TRABD2B: variants seen among roughly 807,000 people sequenced by gnomAD.
The protein encoded by TRABD2B is metalloprotease TIKI2.
Under a neutral mutation model 40.1 loss-of-function variants are expected in TRABD2B, and 14 were observed. The ratio of observed to expected loss-of-function variants is 0.35; its 90% confidence interval spans 0.23 to 0.55. The LOEUF (loss-of-function observed/expected upper bound fraction) is 0.55, where lower values mean the gene tolerates loss of function less well. Among genes scored for constraint, TRABD2B ranks in the 20% least tolerant of loss-of-function variants. The pLI is 0.90. For missense variants in TRABD2B, 541 were observed against 648.6 expected (o/e 0.83, Z 1.80); for synonymous variants, 263 against 277.0 (o/e 0.95, Z 0.50).
At chr1:47,823,885 A>C (rs1042127701) in intron 2 of TRABD2B, among the ~76,000 whole-genome samples, 20 of 152,306 alleles carry the variant, frequency 1.3e-4, no homozygotes, top group Middle Eastern at 3.4e-3. Context: ...GGGCTCCAGG[A>C]ATCACTACCA....
chr1:47,996,922 G>A lies in TRABD2B; in HGVS notation c.-133C>T. 8.9e-7 allele frequency: 1 copy of A among 1,123,392 alleles called. No homozygotes were observed. The highest frequency in any genetic ancestry group is 1.1e-6 in the Non-Finnish European group (1 of 919,474). 69.6% of individuals were successfully genotyped at this position (1,123,392 alleles called of 1,614,324 possible). ...CCGCAGGATGCTGGGCGCCCTCTGG[G>A]GCGTGGCTGACTGTCCCTGTCGGAC... On this transcript the variant is annotated 5_prime_UTR_variant, in exon 1 of 7. Transcript: ENST00000606738. This position sits in a 1 kb window ranked among gnomAD's most constrained non-coding sequence, Gnocchi z 4.6.
intron 4 of TRABD2B, among the ~76,000 whole-genome samples, chr1:47,786,537 A>G (rs563868416): frequency 6.6e-6 from 1 of 152,322 alleles, no homozygotes; most frequent in East Asian, 1.9e-4. Context: ...CCTTCACAGG[A>G]ATGCCAGTTG....
At chr1:47,772,364 G>C (rs1238661874) in intron 6 of TRABD2B, among the ~76,000 whole-genome samples, 1 of 151,746 alleles carries the variant, frequency 6.6e-6, no homozygotes, top group Non-Finnish European at 1.5e-5. Flanking sequence ...GTGGGACGGG[G>C]CACCTCGGGT....
At position 47,824,479 on chromosome 1, in the gene TRABD2B, G is replaced by A. The variant is rs775234736; in HGVS notation, c.667-22860C>T. ...GTCCAACAAACCTGTGGGTGGATGG[G>A]GTTAACACACCCACTTCACAGATGA... On this transcript the variant is annotated intron_variant, in intron 2 of 6. Coordinates refer to ENST00000606738, the MANE Select transcript of TRABD2B (RefSeq NM_001194986.2). Among the ~76,000 whole-genome samples, 114 of 152,294 alleles carry A rather than the reference G, an allele frequency of 7.5e-4. 1 individual carries two copies. The highest frequency in any genetic ancestry group is 1.4e-3 in the Non-Finnish European group (92 of 68,028).
chr1:47,914,342 T>C (rs1014344326), intron 2 of TRABD2B, among the ~76,000 whole-genome samples: 1 of 152,178 alleles, frequency 6.6e-6, no homozygotes, highest in Non-Finnish European at 1.5e-5. Context: ...CAAGCACAAG[T>C]GTTTTTCTTA....
chr1:47,912,211 T>C (rs146846057), intron 2 of TRABD2B, among the ~76,000 whole-genome samples: 1 of 152,330 alleles, frequency 6.6e-6, no homozygotes, highest in African/African-American at 2.4e-5. Flanking sequence ...TGCCACAAGA[T>C]ATAAACTAAT....
chr1:47,892,283 A>G (rs780193142), intron 2 of TRABD2B, among the ~76,000 whole-genome samples: 1 of 152,226 alleles, frequency 6.6e-6, no homozygotes, highest in Non-Finnish European at 1.5e-5. Context: ...GGATGACTCT[A>G]AGACTTTTGG....
chr1:47,984,653 T>C (rs1645894654), intron 2 of TRABD2B, among the ~76,000 whole-genome samples: 3 of 152,172 alleles, frequency 2.0e-5, no homozygotes, highest in Non-Finnish European at 4.4e-5. Flanking sequence ...TCCTCTAGCG[T>C]AGGTGCCTCC....
At position 47,766,089 on chromosome 1, in the gene TRABD2B, G is replaced by A. The variant is rs1218425268; in HGVS notation, c.1367C>T (p.Pro456Leu). 1 of 701,436 alleles carries A rather than the reference G, an allele frequency of 1.4e-6. No individual in the cohort carries two copies. The highest frequency in any genetic ancestry group is 2.6e-6 in the Non-Finnish European group (1 of 384,300). 43.5% of individuals were successfully genotyped at this position (701,436 alleles called of 1,614,324 possible). The stretch of plus-strand genomic sequence containing the variant: ...GTGGGTGGGCTGCAGGGGCAGCGGG[G>A]GTGGTGAGGCGGTGGTGCTGGAAAG... ...RIEDSTTASP[P>L]PLPLQPTHSS... The change falls in exon 7 of 7, where the codon CCC becomes CTC. Residue 456 changes from proline (P) to leucine (L), a missense_variant. Pro to Leu is a moderately conservative substitution (Grantham distance 98, BLOSUM62 -3). Around this residue, in one of 2 missense-constraint regions of TRABD2B, gnomAD observed 172 missense variants for 155.8 expected, o/e 1.10. Coordinates refer to ENST00000606738, the MANE Select transcript of TRABD2B (RefSeq NM_001194986.2).
intron 2 of TRABD2B, among the ~76,000 whole-genome samples, chr1:47,856,776 T>C (rs932281784): frequency 6.6e-6 from 1 of 152,242 alleles, no homozygotes; most frequent in Non-Finnish European, 1.5e-5. Context: ...CCACAAACTC[T>C]TTTTATCCCA....
intron 4 of TRABD2B, among the ~76,000 whole-genome samples, chr1:47,793,213 G>A (rs868098151): frequency 1.3e-5 from 2 of 152,172 alleles, no homozygotes; most frequent in Admixed American, 1.3e-4. Context: ...CTGTTCAGAT[G>A]GGTAAACTGA....
At chr1:47,943,566 A>G (rs968905620) in intron 2 of TRABD2B, among the ~76,000 whole-genome samples, 2 of 152,208 alleles carry the variant, frequency 1.3e-5, no homozygotes, top group Non-Finnish European at 2.9e-5. Context: ...GGACAGGGTC[A>G]TATATTCAGC....
chr1:47,925,475 T>C (rs576923351), intron 2 of TRABD2B, among the ~76,000 whole-genome samples: 1 of 152,340 alleles, frequency 6.6e-6, no homozygotes, highest in Admixed American at 6.5e-5. Context: ...TGCAGTGTAA[T>C]AGCAACAGCA....
At chr1:47,891,855 GAAAA>G (rs555176972) in intron 2 of TRABD2B, among the ~76,000 whole-genome samples, 13 of 147,318 alleles carry the variant, frequency 8.8e-5, no homozygotes, top group African/African-American at 3.2e-4. Flanking sequence ...AAAAATGAAA[GAAAA>G]AAAAAAGAAA....
chr1:47,816,044 C>CA (rs1645028146), intron 2 of TRABD2B, among the ~76,000 whole-genome samples: 1 of 152,180 alleles, frequency 6.6e-6, no homozygotes, highest in Non-Finnish European at 1.5e-5. Flanking sequence ...CCCCATCAAT[C>CA]ATTCTCCATG....
chr1:47,775,903 G>A (rs1644440177), intron 5 of TRABD2B, among the ~76,000 whole-genome samples: 1 of 152,130 alleles, frequency 6.6e-6, no homozygotes, highest in East Asian at 1.9e-4. Flanking sequence ...GCCCAGGCTA[G>A]GAAGACGTGA....
Position 47,996,258 on chromosome 1 carries a change from G to T in TRABD2B, c.102+430C>A, listed in dbSNP as rs1015086332. Among the ~76,000 whole-genome samples, 8 of 152,100 alleles carry T rather than the reference G, an allele frequency of 5.3e-5. No homozygotes were observed. The highest frequency in any genetic ancestry group is 1.2e-4 in the Non-Finnish European group (8 of 68,014). ...GGGAGAGAGAGGGAAGCCTGGGAGG[G>T]GGCAGAGTGTGTGAATGGGAGAGCA... On this transcript the variant is annotated intron_variant, in intron 1 of 6. Transcript: ENST00000606738. The surrounding 1 kb of genome is among the most constrained non-coding windows in gnomAD (Gnocchi z 4.6).
intron 2 of TRABD2B, among the ~76,000 whole-genome samples, chr1:47,806,508 T>C (rs896591657): frequency 6.6e-6 from 1 of 152,142 alleles, no homozygotes; most frequent in African/African-American, 2.4e-5. Flanking sequence ...TGATAAGGCT[T>C]TGACATGGAA....
In TRABD2B at chr1:47,930,710, G is replaced by A. The variant is rs1444024017; in HGVS notation, c.666+63324C>T. 2.6e-5 allele frequency among the ~76,000 whole-genome samples: 4 copies of A among 152,266 alleles called. No homozygotes were observed. In the East Asian group the frequency reaches 7.7e-4, roughly 29 times the overall value. On this transcript the variant is annotated intron_variant, in intron 2 of 6. Transcript: ENST00000606738. ...TCCCGAGAAAGAACATCTCAAGCCT[G>A]TGAATCACACAACTCCTCTCTCCCT...
Sources: gnomAD v4.1 joint callset for allele counts (sites outside exome capture counted in the v4.1 genomes callset) on GRCh38, gnomAD v4.1.1 for gene constraint, gnomAD v4.1.1 regional missense constraint, Gnocchi (gnomAD v3.1) non-coding constraint, MANE v1.5 for transcripts, NCBI Gene and HGNC (gene_info 2026-07-23, HGNC 2026-07-21) for gene names.